MAGI2: variants seen among roughly 807,000 people sequenced by gnomAD.
The protein encoded by MAGI2 is membrane-associated guanylate kinase, WW and PDZ domain-containing protein 2.
In MAGI2, 35 loss-of-function variants were observed where a neutral mutation model predicts 133.3. The observed-to-expected ratio is 0.26, with a 90% CI of 0.20 to 0.35. The LOEUF (loss-of-function observed/expected upper bound fraction) is 0.35. MAGI2 is among the 10% of genes least tolerant of loss of function. The pLI, the probability that MAGI2 is intolerant of heterozygous loss-of-function variation, is 1.00. For missense variants in MAGI2, 1,636 were observed against 1,863.4 expected (o/e 0.88, Z 2.25); for synonymous variants, 729 against 710.6 (o/e 1.03, Z -0.41).
intron 21 of MAGI2, among the ~76,000 whole-genome samples, chr7:78,064,990 AT>A (rs1471973503): frequency 6.6e-6 from 1 of 152,210 alleles, no homozygotes; most frequent in Non-Finnish European, 1.5e-5. Flanking sequence ...TTTAAAAAAA[AT>A]AGTCACAATT....
At chr7:78,585,116 G>C (rs1272601081) in intron 3 of MAGI2, among the ~76,000 whole-genome samples, 1 of 152,144 alleles carries the variant, frequency 6.6e-6, no homozygotes, top group African/African-American at 2.4e-5. Flanking sequence ...CTTTGAGTTG[G>C]TAATAGTCTC....
chr7:78,982,090 G>A (rs749898677), intron 2 of MAGI2, among the ~76,000 whole-genome samples: 21 of 151,762 alleles, frequency 1.4e-4, no homozygotes, highest in Non-Finnish European at 2.4e-4. Context: ...TGGCGACGGG[G>A]CTTTAATTCA....
At chr7:78,358,913 G>A in intron 7 of MAGI2, 1 of 153,652 alleles carries the variant, frequency 6.5e-6, no homozygotes, top group Non-Finnish European at 1.5e-5. Flanking sequence ...GCTTGGCCTG[G>A]CCTACCCTTC....
At chr7:78,466,565 G>A (rs1197506211) in intron 6 of MAGI2, among the ~76,000 whole-genome samples, 1 of 152,170 alleles carries the variant, frequency 6.6e-6, no homozygotes, top group East Asian at 1.9e-4. Flanking sequence ...CAAAAGAGGT[G>A]TTAGAAAAAG....
At chr7:78,232,791 T>C (rs772550891) in intron 10 of MAGI2, among the ~76,000 whole-genome samples, 5 of 152,156 alleles carry the variant, frequency 3.3e-5, no homozygotes, top group Non-Finnish European at 5.9e-5. Flanking sequence ...CAAGGATAAA[T>C]AGAAATTTGC....
chr7:78,023,016 T>C (rs1190972822), intron 21 of MAGI2, among the ~76,000 whole-genome samples: 1 of 152,208 alleles, frequency 6.6e-6, no homozygotes, highest in African/African-American at 2.4e-5. Context: ...TGGATATCTA[T>C]ATGAGTGGTT....
chr7:78,684,629 C>T (rs1476641787), intron 2 of MAGI2, among the ~76,000 whole-genome samples: 1 of 151,832 alleles, frequency 6.6e-6, no homozygotes, highest in Non-Finnish European at 1.5e-5. Context: ...ATATTTACTT[C>T]TGTATTATTA....
chr7:79,420,593 G>C (rs541107007), intron 1 of MAGI2, among the ~76,000 whole-genome samples: 8 of 151,860 alleles, frequency 5.3e-5, no homozygotes, highest in African/African-American at 1.9e-4. Flanking sequence ...GTTTCTCTAG[G>C]CACATATTAC....
chr7:78,492,288 A>G (rs1427320621), intron 5 of MAGI2, among the ~76,000 whole-genome samples: 1 of 152,078 alleles, frequency 6.6e-6, no homozygotes, highest in Non-Finnish European at 1.5e-5. Flanking sequence ...TCACTTTAAT[A>G]CATTTTGACA....
chr7:78,493,439 A>G (rs759900043), intron 5 of MAGI2, among the ~76,000 whole-genome samples: 3 of 152,140 alleles, frequency 2.0e-5, no homozygotes, highest in Non-Finnish European at 4.4e-5. Flanking sequence ...AAGCAGCAGG[A>G]CTTTCAGATA....
At chr7:78,988,128 G>T (rs1004636946) in intron 2 of MAGI2, among the ~76,000 whole-genome samples, 1 of 152,044 alleles carries the variant, frequency 6.6e-6, no homozygotes, top group Non-Finnish European at 1.5e-5. Flanking sequence ...ACATGTGACT[G>T]TTAAGTTTCC....
At chr7:78,314,147 T>A (rs1411900640) in intron 9 of MAGI2, among the ~76,000 whole-genome samples, 2 of 152,176 alleles carry the variant, frequency 1.3e-5, no homozygotes, top group Admixed American at 1.3e-4. Flanking sequence ...TAAATAAGAC[T>A]GTAATGGACT....
At chr7:79,180,455 A>G (rs1826508991) in intron 1 of MAGI2, among the ~76,000 whole-genome samples, 1 of 152,044 alleles carries the variant, frequency 6.6e-6, no homozygotes, top group Non-Finnish European at 1.5e-5. Flanking sequence ...GAGCCTGCGC[A>G]AAGAAACTCC....
chr7:78,725,625 T>A (rs890599605), intron 2 of MAGI2, among the ~76,000 whole-genome samples: 1 of 152,180 alleles, frequency 6.6e-6, no homozygotes, highest in Non-Finnish European at 1.5e-5. Flanking sequence ...GGTGAAACCC[T>A]GTCTCTATTA....
At chr7:78,559,242 T>G (rs571677392) in intron 3 of MAGI2, among the ~76,000 whole-genome samples, 13 of 149,916 alleles carry the variant, frequency 8.7e-5, no homozygotes, top group South Asian at 4.2e-4. Context: ...TTTCAGGTTT[T>G]TTTTTTTTTT....
chr7:78,881,158 A>G (rs774635601), intron 2 of MAGI2, among the ~76,000 whole-genome samples: 29 of 152,270 alleles, frequency 1.9e-4, no homozygotes, highest in Non-Finnish European at 3.4e-4. Context: ...CACTAGACAG[A>G]TCATCAAGGC....
At chr7:79,132,289 G>A (rs1821006282) in intron 1 of MAGI2, among the ~76,000 whole-genome samples, 1 of 151,774 alleles carries the variant, frequency 6.6e-6, no homozygotes, top group Non-Finnish European at 1.5e-5. Flanking sequence ...TTTATTCCTA[G>A]TCCTCCTCCC....
At chr7:78,139,675 A>C (rs148812686) in intron 16 of MAGI2, among the ~76,000 whole-genome samples, 192 of 152,328 alleles carry the variant, frequency 1.3e-3, no homozygotes, top group Non-Finnish European at 2.3e-3. Context: ...GTCTTGACAC[A>C]GTGTGCTTAG....
At chr7:78,635,246 T>A (rs1809503858) in intron 2 of MAGI2, among the ~76,000 whole-genome samples, 1 of 152,236 alleles carries the variant, frequency 6.6e-6, no homozygotes, top group African/African-American at 2.4e-5. Flanking sequence ...CAATGGAATT[T>A]TTTTATTAAC....
Sources: allele counts gnomAD v4.1 joint callset (sites outside exome capture counted in the v4.1 genomes callset), GRCh38; gene constraint gnomAD v4.1.1; transcripts MANE v1.5; gene names NCBI Gene and HGNC (gene_info 2026-07-23, HGNC 2026-07-21).